LAMA2: variants seen among roughly 807,000 people sequenced by gnomAD.
LAMA2 encodes laminin subunit alpha 2, also known as laminin subunit alpha-2.
In LAMA2, 269 loss-of-function variants were observed where a neutral mutation model predicts 364.8. The ratio of observed to expected loss-of-function variants is 0.74; its 90% CI spans 0.67 to 0.82. LAMA2 has a LOEUF of 0.82. Among genes scored for constraint, LAMA2 ranks in the 40% least tolerant of loss-of-function variants. The pLI is 0.00. For synonymous variants in LAMA2, 1,379 were observed against 1,370.6 expected (o/e 1.01, Z -0.14); for missense variants, 3,807 against 3,873.2 (o/e 0.98, Z 0.45).
At chr6:129,236,806 C>T (rs1206737352) in intron 12 of LAMA2, among the ~76,000 whole-genome samples, 5 of 152,150 alleles carry the variant, frequency 3.3e-5, no homozygotes, top group African/African-American at 1.2e-4. Context: ...ATACTATACA[C>T]ATTATAAGAG....
intron 1 of LAMA2, among the ~76,000 whole-genome samples, chr6:128,923,006 A>T (rs1404762335): frequency 6.6e-6 from 1 of 151,338 alleles, no homozygotes; most frequent in Admixed American, 6.6e-5. Context: ...TTTGTCAAAG[A>T]TCAGATAGTT....
chr6:129,470,888 T>C (rs549102120), intron 51 of LAMA2, among the ~76,000 whole-genome samples: 2 of 152,044 alleles, frequency 1.3e-5, no homozygotes, highest in Non-Finnish European at 2.9e-5. Flanking sequence ...GTTCCCCATC[T>C]TTCTTGAGTC....
intron 1 of LAMA2, among the ~76,000 whole-genome samples, chr6:128,911,610 C>T (rs902292910): frequency 2.6e-5 from 4 of 152,124 alleles, no homozygotes; most frequent in Non-Finnish European, 4.4e-5. Flanking sequence ...GCGTCGCTCA[C>T]GCTGGGAGCT....
intron 47 of LAMA2, among the ~76,000 whole-genome samples, chr6:129,455,349 T>G (rs1782903791): frequency 6.6e-6 from 1 of 152,154 alleles, no homozygotes; most frequent in South Asian, 2.1e-4. Context: ...AGTGACAGAG[T>G]GCTTGCGTGT....
chr6:128,974,272 C>T (rs74559394), intron 1 of LAMA2, among the ~76,000 whole-genome samples: 3,670 of 152,240 alleles, frequency 0.024, 48 homozygotes, highest in Middle Eastern at 0.031. Flanking sequence ...AAAAGAGTTG[C>T]TTGAAATCAC....
At chr6:129,038,628 CATT>C (rs1243765025) in intron 1 of LAMA2, among the ~76,000 whole-genome samples, 8 of 152,162 alleles carry the variant, frequency 5.3e-5, no homozygotes, top group African/African-American at 1.9e-4. Context: ...CTACTCCTAT[CATT>C]ATCTGATTTT....
At chr6:129,075,022 T>C (rs1255472531) in intron 3 of LAMA2, among the ~76,000 whole-genome samples, 1 of 152,028 alleles carries the variant, frequency 6.6e-6, no homozygotes, top group Non-Finnish European at 1.5e-5. Context: ...GAGACAGGAG[T>C]CCTTGCATTC....
chr6:129,410,639 T>C (rs1780486407), intron 40 of LAMA2, among the ~76,000 whole-genome samples: 1 of 152,150 alleles, frequency 6.6e-6, no homozygotes, highest in Admixed American at 6.5e-5. Context: ...ATACATTGAT[T>C]GATAGATGAC....
chr6:128,978,353 T>C (rs9375606), intron 1 of LAMA2, among the ~76,000 whole-genome samples: 99,056 of 134,446 alleles, frequency 0.74, 37,757 homozygotes, highest in South Asian at 0.87. Context: ...TTCTTTCTTT[T>C]TTTTTTTTTT....
intron 60 of LAMA2, among the ~76,000 whole-genome samples, chr6:129,504,185 T>C (rs949669605): frequency 2.0e-5 from 3 of 152,164 alleles, no homozygotes; most frequent in Admixed American, 6.5e-5. Context: ...TTTGTTATCA[T>C]GGAAATAAGA....
At position 129,214,299 on chromosome 6, in the gene LAMA2, C is replaced by A. The variant is rs1439035786; in HGVS notation, c.1782+21446C>A. Among the ~76,000 whole-genome samples the A allele has an allele frequency of 6.8e-4, 104 of 152,048 alleles. 1 individual carries two copies. Among genetic ancestry groups the A allele is most frequent in the Non-Finnish European group, 2.2e-4 (15 of 68,006 alleles). On this transcript the variant is annotated intron_variant, in intron 12 of 64. Transcript: ENST00000421865. ...CAAAATGACCAAACACAAGAGGGAG[C>A]CTTCCTTTTTAACAACCCACCCTCG...
rs550446348 is a variant in LAMA2, at chr6:129,454,112, C to T, written c.6574-43C>T. 1.9e-6 allele frequency: 3 copies of T among 1,584,902 alleles called. No homozygotes were observed. The African/African-American group carries it at 4.0e-5, about 21-fold the overall frequency. ...TCTGCTGGTCTCCTCTTTAAAGGTGCTTTATATCTGATATCTCTTGTTTTT... is the reference window on the plus strand; with the variant it reads ...TCTGCTGGTCTCCTCTTTAAAGGTGTTTTATATCTGATATCTCTTGTTTTT... On this transcript the variant is annotated intron_variant, in intron 46 of 64. Coordinates refer to ENST00000421865, the MANE Select transcript of LAMA2 (RefSeq NM_000426.4).
intron 3 of LAMA2, among the ~76,000 whole-genome samples, chr6:129,089,590 T>C (rs1418567745): frequency 6.6e-6 from 1 of 152,222 alleles, no homozygotes; most frequent in African/African-American, 2.4e-5. Flanking sequence ...GGGAAAGCCA[T>C]GCTGTGCCAA....
intron 22 of LAMA2, among the ~76,000 whole-genome samples, chr6:129,303,523 T>C (rs548312432): frequency 8.5e-4 from 130 of 152,326 alleles, no homozygotes; most frequent in African/African-American, 3.0e-3. Context: ...TCTTTTATAA[T>C]TGAAAATGAT....
At chr6:129,266,050 C>G (rs1256125977) in intron 15 of LAMA2, among the ~76,000 whole-genome samples, 1 of 152,046 alleles carries the variant, frequency 6.6e-6, no homozygotes. Flanking sequence ...GAGCATAACA[C>G]AATTCTATAT....
intron 1 of LAMA2, among the ~76,000 whole-genome samples, chr6:128,935,506 A>G (rs1225644588): frequency 6.6e-6 from 1 of 152,138 alleles, no homozygotes; most frequent in Admixed American, 6.5e-5. Flanking sequence ...GCTATTGTGA[A>G]TAGTGCTGCA....
intron 22 of LAMA2, among the ~76,000 whole-genome samples, chr6:129,309,197 T>C (rs1774059729): frequency 6.6e-6 from 1 of 152,246 alleles, no homozygotes; most frequent in Non-Finnish European, 1.5e-5. Context: ...ATACACATCA[T>C]TTGGGCTGTT....
intron 4 of LAMA2, among the ~76,000 whole-genome samples, chr6:129,119,290 T>C (rs779028069): frequency 2.0e-5 from 3 of 152,196 alleles, no homozygotes; most frequent in East Asian, 1.9e-4. Context: ...TTAGCATTGG[T>C]AAATTTACTT....
In LAMA2 at chr6:129,312,894, T is replaced by G; in HGVS notation, c.3208T>G (p.Phe1070Val). 1 of 1,614,172 alleles carries G rather than the reference T, an allele frequency of 6.2e-7. No individual in the cohort carries two copies. Among genetic ancestry groups the G allele is most frequent in the Non-Finnish European group, 8.5e-7 (1 of 1,180,004 alleles). ...CTGCAGCACAGTGGGATCCTTGGATTTCCAATGCAATGTAAATACAGGCCA... is the reference window on the plus strand; with the variant it reads ...CTGCAGCACAGTGGGATCCTTGGATGTCCAATGCAATGTAAATACAGGCCA... ...CNCSTVGSLD[F>V]QCNVNTGQCN... Residue 1070 changes from phenylalanine (F) to valine (V), a missense_variant, in exon 23 of 65, where the codon TTC becomes GTC. Phe to Val is a conservative substitution (Grantham distance 50, BLOSUM62 -1). Transcript: ENST00000421865.
Sources: gnomAD v4.1 joint callset for allele counts (sites outside exome capture counted in the v4.1 genomes callset) on GRCh38, gnomAD v4.1.1 for gene constraint, MANE v1.5 for transcripts, NCBI Gene and HGNC (gene_info 2026-07-23, HGNC 2026-07-21) for gene names.